FBXW4: variants seen among roughly 807,000 people sequenced by gnomAD.
FBXW4 encodes F-box/WD repeat-containing protein 4.
FBXW4 carries 40 observed loss-of-function variants against 61.8 expected under a neutral mutation model. The observed-to-expected ratio is 0.65, with a 90% CI of 0.50 to 0.84. FBXW4 has a LOEUF of 0.84. Ranked by LOEUF, FBXW4 falls within the 40% of genes least tolerant of loss-of-function variation. FBXW4 has a pLI of 0.00. For missense variants in FBXW4, 672 were observed against 753.8 expected (o/e 0.89, Z 1.27); for synonymous variants, 311 against 313.8 (o/e 0.99, Z 0.10).
At position 101,612,372 on chromosome 10, in the gene FBXW4, G is replaced by T; in HGVS notation, c.1407C>A (p.Thr469=). ...TGCGGAGGTCCCAGTAGCGAACATAGGTGTCATAGCCACAGGACAGCAGTG... is the reference window on the plus strand; with the variant it reads ...TGCGGAGGTCCCAGTAGCGAACATATGTGTCATAGCCACAGGACAGCAGTG... ...PFTLLSCGYD[T]YVRYWDLRTS... is the part of the protein sequence containing the mutation. The change falls in exon 7 of 9, where the codon ACC becomes ACA. Residue 469 remains threonine (T), a synonymous_variant. Coordinates refer to ENST00000331272, the MANE Select transcript of FBXW4 (RefSeq NM_022039.4). 1 of 1,593,518 alleles carries T rather than the reference G, an allele frequency of 6.3e-7. No homozygotes were observed. The highest frequency in any genetic ancestry group is 1.3e-5 in the African/African-American group (1 of 74,550).
chr10:101,661,450 C>G (rs1432949588), intron 5 of FBXW4, among the ~76,000 whole-genome samples: 1 of 152,190 alleles, frequency 6.6e-6, no homozygotes, highest in African/African-American at 2.4e-5. Flanking sequence ...GCAATGAACT[C>G]CAGGGTGGAG....
rs902500150 is a variant in FBXW4, at chr10:101,611,404, G to A, written c.1591C>T (p.Pro531Ser). ...CTGCTGAGGGGAGTCGACGTCAGCG[G>A]GAAGGCCTGGAAGGGAGGGCACAGG... ...RRQRACLHAF[P>S]LTSTPLSSPV... The change falls in exon 9 of 9, where the codon CCG (proline) becomes TCG (serine). Residue 531 changes from proline to serine, a missense_variant. By Grantham distance (74) the Pro-to-Ser change is moderately conservative. Around this residue, in one of 5 missense-constraint regions of FBXW4, gnomAD observed 312 missense variants for 370.1 expected, o/e 0.84. Transcript: ENST00000331272. The surrounding 1 kb of genome is among the most constrained non-coding windows in gnomAD (Gnocchi z 4.9). The A allele has an allele frequency of 6.2e-7, 1 of 1,613,172 alleles. No individual in the cohort carries two copies.
chr10:101,640,323 G>T (rs188782010), intron 5 of FBXW4, among the ~76,000 whole-genome samples: 1 of 152,154 alleles, frequency 6.6e-6, no homozygotes, highest in East Asian at 1.9e-4. Flanking sequence ...AGTCTTCAAG[G>T]GACAAGGCCC....
intron 6 of FBXW4, among the ~76,000 whole-genome samples, chr10:101,617,876 C>A (rs2063837988): frequency 6.6e-6 from 1 of 151,998 alleles, no homozygotes; most frequent in Non-Finnish European, 1.5e-5. Context: ...TTACAGGGTT[C>A]CTTAAAGAGG....
At chr10:101,655,268 C>G (rs757825418) in intron 5 of FBXW4, among the ~76,000 whole-genome samples, 3 of 152,196 alleles carry the variant, frequency 2.0e-5, no homozygotes, top group Non-Finnish European at 4.4e-5. Context: ...CATTGACAAC[C>G]TAATGCAATT....
rs2063783456 is a variant in FBXW4 at position 101,611,453 on chromosome 10, G to A, written c.1585-43C>T. On this transcript the variant is annotated intron_variant, in intron 8 of 8. Coordinates refer to ENST00000331272, the MANE Select transcript of FBXW4 (RefSeq NM_022039.4). This position sits in a 1 kb window ranked among gnomAD's most constrained non-coding sequence, Gnocchi z 4.9. ...GGAAGTGGTAAGAGCTTTCCAAGTG[G>A]GACATGGGTGTGCCCTAACCCAGGA... 1 of 1,598,874 alleles carries A rather than the reference G, an allele frequency of 6.3e-7. No homozygotes were observed. The highest frequency in any genetic ancestry group is 1.3e-5 in the African/African-American group (1 of 74,818).
intron 5 of FBXW4, among the ~76,000 whole-genome samples, chr10:101,636,074 G>T (rs1352313280): frequency 6.6e-6 from 1 of 152,078 alleles, no homozygotes; most frequent in African/African-American, 2.4e-5. Flanking sequence ...ATTAGGCCAG[G>T]CGTGGTGGTT....
At chr10:101,686,883 T>C (rs1233398151) in intron 1 of FBXW4, among the ~76,000 whole-genome samples, 1 of 151,994 alleles carries the variant, frequency 6.6e-6, no homozygotes, top group East Asian at 1.9e-4. Context: ...CCTTAGCAAC[T>C]CACTTCTGGA....
chr10:101,620,210 T>A (rs2063857459), intron 6 of FBXW4, among the ~76,000 whole-genome samples: 1 of 152,188 alleles, frequency 6.6e-6, no homozygotes, highest in South Asian at 2.1e-4. Flanking sequence ...CTGCTCCACC[T>A]CTCGGATTGG....
chr10:101,656,497 G>C (rs1320276665), intron 5 of FBXW4, among the ~76,000 whole-genome samples: 1 of 152,242 alleles, frequency 6.6e-6, no homozygotes, highest in African/African-American at 2.4e-5. Flanking sequence ...AAGCAGGCAA[G>C]CTCCTGCCTT....
At chr10:101,662,375 C>A (rs2064253088) in intron 5 of FBXW4, among the ~76,000 whole-genome samples, 6 of 152,178 alleles carry the variant, frequency 3.9e-5, no homozygotes, top group Admixed American at 3.9e-4. Context: ...TCCATCAAAA[C>A]CCCCCAGAGG....
In FBXW4 at chr10:101,676,395, T is replaced by G. The variant is rs766850913; in HGVS notation, c.767A>C (p.Gln256Pro). The G allele has an allele frequency of 6.2e-6, 10 of 1,613,408 alleles. No individual in the cohort carries two copies. In the East Asian group the frequency reaches 2.0e-4, roughly 32 times the overall value. ...VPVKERVKVS[Q>P]NWRLGRCREG... ...TCGGCAGCGCCCCAGTCTCCAGTTC[T>G]GAGACACCTTCACTCGTTCCTTCAC... The change falls in exon 2 of 9, where the codon CAG becomes CCG. Residue 256 changes from glutamine (Q) to proline (P), a missense_variant. Around this residue, in one of 5 missense-constraint regions of FBXW4, gnomAD observed 311 missense variants for 301.1 expected, o/e 1.03. Transcript: ENST00000331272.
In FBXW4 at chr10:101,662,210, C is replaced by G. The variant is rs78924389; in HGVS notation, c.1235+5676G>C. On this transcript the variant is annotated intron_variant, in intron 5 of 8. Coordinates refer to ENST00000331272, the MANE Select transcript of FBXW4 (RefSeq NM_022039.4). The stretch of plus-strand genomic sequence containing the variant: ...CAACAGGCCGCTGAATATGCATCTA[C>G]CACACACACAACACACAGTAAACCC... 2.8e-4 allele frequency among the ~76,000 whole-genome samples: 42 copies of G among 152,304 alleles called. No individual in the cohort carries two copies. In the East Asian group the frequency reaches 4.6e-3, roughly 17 times the overall value.
intron 6 of FBXW4, among the ~76,000 whole-genome samples, chr10:101,617,510 C>T (rs565614751): frequency 1.3e-5 from 2 of 152,306 alleles, no homozygotes; most frequent in South Asian, 4.1e-4. Context: ...GCTTCACTTG[C>T]CTCAGCCCCA....
At position 101,676,448 on chromosome 10, in the gene FBXW4, C is replaced by A. The variant is rs755969920; in HGVS notation, c.726-12G>T. ...GGACACTGGTCATCCTATGTCCAGA[C>A]AGAACAGATAATCCAATCACTACAA... is the stretch of plus-strand genomic sequence containing the variant. On this transcript the variant is annotated splice_polypyrimidine_tract_variant and intron_variant, in intron 1 of 8. Transcript: ENST00000331272. 7.8e-5 allele frequency: 125 copies of A among 1,603,710 alleles called. No individual in the cohort carries two copies. The Middle Eastern group carries it at 9.9e-4, about 13-fold the overall frequency.
At chr10:101,660,430 T>C (rs1356033402) in intron 5 of FBXW4, among the ~76,000 whole-genome samples, 1 of 152,078 alleles carries the variant, frequency 6.6e-6, no homozygotes, top group Non-Finnish European at 1.5e-5. Context: ...GAAAGTGCTG[T>C]GGAGACATCA....
chr10:101,694,368 A>G lies in FBXW4; in HGVS notation c.725+13T>C. 1 of 1,364,576 alleles carries G rather than the reference A, an allele frequency of 7.3e-7. No individual in the cohort carries two copies. Among genetic ancestry groups the G allele is most frequent in the South Asian group, 1.8e-5 (1 of 56,410 alleles). 84.5% of individuals were successfully genotyped at this position (1,364,576 alleles called of 1,614,324 possible). On this transcript the variant is annotated intron_variant, in intron 1 of 8. Coordinates refer to ENST00000331272, the MANE Select transcript of FBXW4 (RefSeq NM_022039.4). The surrounding 1 kb of genome is among the most constrained non-coding windows in gnomAD (Gnocchi z 6.0). ...GCTCGGGGCGGGGAGCGGGCGGGCG[A>G]GCGGACGCTTACAGGTCGGTGCCGA...
In FBXW4 at chr10:101,676,711, GAAAAAAAAAAAAA is replaced by G. The variant is rs56232127; in HGVS notation, c.726-288_726-276del. ...TGGAACCACTGGATGTCCAGATTGG[GAAAAAAAAAAAAA>G]AAAAAAAAAAAATGAAATGAATCCT... is the stretch of plus-strand genomic sequence containing the variant. On this transcript the variant is annotated intron_variant, in intron 1 of 8. Transcript: ENST00000331272. 49 of 64,772 alleles carry G rather than the reference GAAAAAAAAAAAAA, an allele frequency of 7.6e-4. 1 individual carries two copies. Among genetic ancestry groups the G allele is most frequent in the Non-Finnish European group, 1.2e-3 (45 of 38,634 alleles). 4.0% of individuals were successfully genotyped at this position (64,772 alleles called of 1,614,324 possible). A position where few individuals can be genotyped will look rare whatever the true frequency, so the allele number is the denominator to read the frequency against.
At chr10:101,666,766 A>G (rs562690407) in intron 5 of FBXW4, among the ~76,000 whole-genome samples, 1 of 152,148 alleles carries the variant, frequency 6.6e-6, no homozygotes, top group Non-Finnish European at 1.5e-5. Flanking sequence ...TCCATAGGTA[A>G]AGTTAGAGAT....
Sources: gnomAD v4.1 joint callset for allele counts (sites outside exome capture counted in the v4.1 genomes callset) on GRCh38, gnomAD v4.1.1 for gene constraint, gnomAD v4.1.1 regional missense constraint, Gnocchi (gnomAD v3.1) non-coding constraint, MANE v1.5 for transcripts, NCBI Gene and HGNC (gene_info 2026-07-23, HGNC 2026-07-21) for gene names.